Variants in SRD5A1 observed in about 807,000 individuals in gnomAD.
The protein encoded by SRD5A1 is 3-oxo-5-alpha-steroid 4-dehydrogenase 1.
SRD5A1 carries 22 observed loss-of-function variants against 28.2 expected under a neutral mutation model. The ratio of observed to expected loss-of-function variants is 0.78; its 90% CI spans 0.56 to 1.12. SRD5A1 has a LOEUF of 1.12. SRD5A1 is among the 50% of genes most tolerant of loss of function. The probability of loss-of-function intolerance (pLI) is 0.00; values close to 1 mark genes in which losing one functional copy is unlikely to be tolerated. For synonymous variants in SRD5A1, 151 were observed against 135.0 expected (o/e 1.12, Z -0.82); for missense variants, 300 against 346.7 (o/e 0.87, Z 1.07).
At chr5:6,639,519 G>A (rs1478862887) in intron 1 of SRD5A1, among the ~76,000 whole-genome samples, 2 of 152,260 alleles carry the variant, frequency 1.3e-5, no homozygotes, top group South Asian at 2.1e-4. Context: ...CAGCCCTCGC[G>A]GACAGTAAGA....
chr5:6,637,380 T>C (rs1287800793), intron 1 of SRD5A1, among the ~76,000 whole-genome samples: 1 of 151,894 alleles, frequency 6.6e-6, no homozygotes, highest in Non-Finnish European at 1.5e-5. Flanking sequence ...GCTGGGCTTC[T>C]TCACTCTTCC....
chr5:6,640,672 G>C (rs1438946452), intron 1 of SRD5A1, among the ~76,000 whole-genome samples: 2 of 151,858 alleles, frequency 1.3e-5, no homozygotes, highest in African/African-American at 4.8e-5. Flanking sequence ...CTTGTTCTTT[G>C]CCTGGAAAGA....
chr5:6,660,908 C>T (rs1458561797), intron 3 of SRD5A1, among the ~76,000 whole-genome samples: 1 of 152,082 alleles, frequency 6.6e-6, no homozygotes, highest in African/African-American at 2.4e-5. Flanking sequence ...CACATGGTGG[C>T]AGGAGAGAGA....
chr5:6,657,092 G>T (rs1028469473), intron 3 of SRD5A1, among the ~76,000 whole-genome samples: 2 of 152,218 alleles, frequency 1.3e-5, no homozygotes, highest in African/African-American at 4.8e-5. Flanking sequence ...AAACTTTAAT[G>T]GAGAAAGGGC....
chr5:6,645,161 G>A (rs1018052824), intron 1 of SRD5A1: 1 of 369,510 alleles, frequency 2.7e-6, no homozygotes, highest in Admixed American at 3.4e-5. Flanking sequence ...AGAGTGGCTT[G>A]AGGATGCACA....
chr5:6,664,888 G>C (rs1184241982), intron 4 of SRD5A1, among the ~76,000 whole-genome samples: 1 of 152,212 alleles, frequency 6.6e-6, no homozygotes. Flanking sequence ...AAAACAGAGG[G>C]GTCTGCGGAA....
intron 1 of SRD5A1, among the ~76,000 whole-genome samples, chr5:6,647,593 C>T (rs927925616): frequency 2.0e-5 from 3 of 152,072 alleles, no homozygotes; most frequent in Admixed American, 1.3e-4. Context: ...GGATTGCAAC[C>T]CCTGCTTTTT....
At chr5:6,648,532 CT>C (rs1167081148) in intron 1 of SRD5A1, among the ~76,000 whole-genome samples, 1 of 152,190 alleles carries the variant, frequency 6.6e-6, no homozygotes, top group Admixed American at 6.5e-5. Flanking sequence ...GACTGATATC[CT>C]TTTGCCACTT....
At position 6,669,193 on chromosome 5, in the gene SRD5A1, A is replaced by T. The variant is rs1739287479; in HGVS notation, c.*925A>T. On this transcript the variant is annotated 3_prime_UTR_variant, in exon 5 of 5. Transcript: ENST00000274192. Reference sequence around the variant, plus strand: ...AAGAATGATCACTTTCTGTAACAATAACAAGACCACTTTTTAAGATTTATC... The same window carrying T: ...AAGAATGATCACTTTCTGTAACAATTACAAGACCACTTTTTAAGATTTATC... 1 of 152,240 alleles carries T rather than the reference A, an allele frequency of 6.6e-6. No individual in the cohort carries two copies. Among genetic ancestry groups the T allele is most frequent in the South Asian group, 2.1e-4 (1 of 4,828 alleles). The allele number at this position is 152,240 out of a possible 1,614,324, so 9.4% of individuals were successfully genotyped here.
At chr5:6,652,485 T>C (rs1031285540) in intron 2 of SRD5A1, among the ~76,000 whole-genome samples, 12 of 152,176 alleles carry the variant, frequency 7.9e-5, no homozygotes, top group African/African-American at 2.9e-4. Flanking sequence ...TAATGTGAAT[T>C]AATGTACATT....
intron 3 of SRD5A1, among the ~76,000 whole-genome samples, chr5:6,660,686 A>G (rs1738974398): frequency 6.6e-6 from 1 of 152,156 alleles, no homozygotes; most frequent in African/African-American, 2.4e-5. Context: ...ATTAAGTTTG[A>G]TATTTTTATG....
At chr5:6,635,653 T>A (rs1223370567) in intron 1 of SRD5A1, among the ~76,000 whole-genome samples, 2 of 152,256 alleles carry the variant, frequency 1.3e-5, no homozygotes, top group African/African-American at 4.8e-5. Context: ...TACCTAGCAC[T>A]ATTTTGCATT....
intron 2 of SRD5A1, among the ~76,000 whole-genome samples, chr5:6,655,634 G>A (rs954644178): frequency 3.3e-5 from 5 of 152,244 alleles, no homozygotes; most frequent in African/African-American, 1.2e-4. Context: ...GTGACGTACA[G>A]CCAGTGGTGA....
chr5:6,650,018 A>AAATTGG (rs1738623961), intron 1 of SRD5A1, among the ~76,000 whole-genome samples: 1 of 152,184 alleles, frequency 6.6e-6, no homozygotes, highest in South Asian at 2.1e-4. Flanking sequence ...TCATAAGTCT[A>AAATTGG]AATTGGATTT....
chr5:6,664,429 G>A (rs953542359), intron 4 of SRD5A1, among the ~76,000 whole-genome samples: 9 of 151,982 alleles, frequency 5.9e-5, no homozygotes, highest in African/African-American at 2.2e-4. Context: ...TTTTAAGACA[G>A]CATCTCACTC....
At chr5:6,651,740 T>G in intron 1 of SRD5A1, 102 bp from the exon 2 acceptor site, 7 of 1,092,930 alleles carry the variant, frequency 6.4e-6, no homozygotes, top group Non-Finnish European at 9.1e-6. Flanking sequence ...ATGACATTTG[T>G]ACAAGAAAGT....
At chr5:6,637,887 C>G (rs1056912854) in intron 1 of SRD5A1, among the ~76,000 whole-genome samples, 1 of 152,210 alleles carries the variant, frequency 6.6e-6, no homozygotes, top group Non-Finnish European at 1.5e-5. Flanking sequence ...ATTGCACCTA[C>G]TTTGATTCCT....
chr5:6,654,930 CA>C (rs1039464324), intron 2 of SRD5A1, among the ~76,000 whole-genome samples: 1 of 151,818 alleles, frequency 6.6e-6, no homozygotes, highest in African/African-American at 2.4e-5. Context: ...ACTAAAATCC[CA>C]AAAAGGTAGC....
In SRD5A1 at chr5:6,652,011, G is replaced by A. The variant is rs1738692178; in HGVS notation, c.460+3G>A. Reference sequence around the variant, plus strand: ...AACAGATCCCCGTTTTCTAATAGGTGAGTGTCCACAGCAGTGAACTCCGCC... The same window carrying A: ...AACAGATCCCCGTTTTCTAATAGGTAAGTGTCCACAGCAGTGAACTCCGCC... On this transcript the variant is annotated splice_donor_region_variant and intron_variant, in intron 2 of 4. Transcript: ENST00000274192. 1 of 1,612,118 alleles carries A rather than the reference G, an allele frequency of 6.2e-7. No homozygotes were observed. Among genetic ancestry groups the A allele is most frequent in the African/African-American group, 1.3e-5 (1 of 74,882 alleles).
Sources: gnomAD v4.1 joint callset for allele counts (sites outside exome capture counted in the v4.1 genomes callset) on GRCh38, gnomAD v4.1.1 for gene constraint, MANE v1.5 for transcripts, NCBI Gene and HGNC (gene_info 2026-07-23, HGNC 2026-07-21) for gene names.